SQOR: variants seen among roughly 807,000 people sequenced by gnomAD.
The protein encoded by SQOR is sulfide:quinone oxidoreductase, mitochondrial.
A neutral mutation model predicts 48.6 loss-of-function variants in SQOR; 39 were observed. That is an observed-to-expected ratio of 0.80 (90% CI 0.62 to 1.05). The LOEUF (loss-of-function observed/expected upper bound fraction) is 1.05. SQOR is among the 50% of genes least tolerant of loss of function. SQOR has a pLI of 0.00. For missense variants in SQOR, 561 were observed against 559.9 expected (o/e 1.00, Z -0.02); for synonymous variants, 220 against 206.2 (o/e 1.07, Z -0.57).
intron 7 of SQOR, among the ~76,000 whole-genome samples, chr15:45,684,214 G>A (rs1160740057): frequency 1.3e-5 from 2 of 152,028 alleles, no homozygotes; most frequent in East Asian, 1.9e-4. Flanking sequence ...CGCCCAGCCT[G>A]TATTTATGTA....
intron 1 of SQOR, among the ~76,000 whole-genome samples, chr15:45,649,371 G>A (rs978921024): frequency 5.3e-5 from 8 of 152,232 alleles, no homozygotes; most frequent in Non-Finnish European, 1.5e-5. Context: ...ATTTAGAATA[G>A]AGGAATTTTA....
At chr15:45,688,190 T>C in intron 7 of SQOR, 147 bp from the exon 8 acceptor site, 1 of 575,122 alleles carries the variant, frequency 1.7e-6, no homozygotes, top group Non-Finnish European at 3.0e-6. Context: ...TAGTCAGAAT[T>C]TCAATTAGTA....
chr15:45,639,131 T>G (rs1301806553), intron 1 of SQOR, among the ~76,000 whole-genome samples: 1 of 152,214 alleles, frequency 6.6e-6, no homozygotes, highest in African/African-American at 2.4e-5. Flanking sequence ...GACATGTCCA[T>G]CACTTGCTCT....
chr15:45,658,994 C>T lies in SQOR; in HGVS notation c.71C>T (p.Thr24Ile), dbSNP rs1440698903. 1 of 1,602,362 alleles carries T rather than the reference C, an allele frequency of 6.2e-7. No individual in the cohort carries two copies. The highest frequency in any genetic ancestry group is 1.7e-5 in the Admixed American group (1 of 58,542). ...TTTGCCTGCCTGCTCAGGCTGGGCA[C>T]TCAGCAGGTCGGCCCCCTTCAGCTG... ...QLFACLLRLG[T>I]QQVGPLQLHT... is the part of the protein sequence containing the mutation. The change falls in exon 2 of 10, where the codon ACT (threonine) becomes ATT (isoleucine). Residue 24 changes from threonine to isoleucine, a missense_variant. Thr to Ile is a moderately conservative substitution (Grantham distance 89). Transcript: ENST00000260324.
chr15:45,671,733 C>T (rs1275262876), intron 4 of SQOR, among the ~76,000 whole-genome samples: 1 of 152,206 alleles, frequency 6.6e-6, no homozygotes, highest in Non-Finnish European at 1.5e-5. Flanking sequence ...CTGTTGGACT[C>T]AGGCAGCCTC....
intron 6 of SQOR, among the ~76,000 whole-genome samples, chr15:45,681,161 C>A (rs2140960525): frequency 6.6e-6 from 1 of 152,312 alleles, no homozygotes; most frequent in African/African-American, 2.4e-5. Context: ...TATGATCAAG[C>A]CACTGTCCTC....
Position 45,673,820 on chromosome 15 carries a change from G to A in SQOR, c.654+19G>A. The A allele has an allele frequency of 2.5e-6, 4 of 1,612,670 alleles. No individual in the cohort carries two copies. The highest frequency in any genetic ancestry group is 2.5e-6 in the Non-Finnish European group (3 of 1,179,036). Reference sequence around the variant, plus strand: ...CAGGAAGGTATGCTTCCTTTCTGGGGACAGAGATGAGCAGGGCGGACAGTG... The same window carrying A: ...CAGGAAGGTATGCTTCCTTTCTGGGAACAGAGATGAGCAGGGCGGACAGTG... On this transcript the variant is annotated intron_variant, in intron 5 of 9. Coordinates refer to ENST00000260324, the MANE Select transcript of SQOR (RefSeq NM_021199.4).
chr15:45,673,869 C>A, intron 5 of SQOR, 68 bp downstream of exon 5: 1 of 1,475,978 alleles, frequency 6.8e-7, no homozygotes, highest in South Asian at 1.2e-5. Context: ...TGCAAGAATT[C>A]CATTTTATCT....
In SQOR at chr15:45,659,136, G is replaced by A; in HGVS notation, c.213G>A (p.Val71=). 1.9e-6 allele frequency: 3 copies of A among 1,551,740 alleles called. No individual in the cohort carries two copies. Among genetic ancestry groups the A allele is most frequent in the Non-Finnish European group, 2.6e-6 (3 of 1,145,310 alleles). Residue 71 remains valine, a synonymous_variant, in exon 2 of 10, where the codon GTG becomes GTA. Coordinates refer to ENST00000260324, the MANE Select transcript of SQOR (RefSeq NM_021199.4). ...RMKRKVGAEN[V]AIVEPSERHF... is the part of the protein sequence containing the mutation. ...AGAGGAAAGTGGGTGCAGAGAATGTGGCCATTGTTGAGCCCAGTGAGGTAA... is the reference window on the plus strand; with the variant it reads ...AGAGGAAAGTGGGTGCAGAGAATGTAGCCATTGTTGAGCCCAGTGAGGTAA...
intron 3 of SQOR, among the ~76,000 whole-genome samples, chr15:45,663,488 G>C (rs1342516274): frequency 6.6e-6 from 1 of 152,136 alleles, no homozygotes; most frequent in Non-Finnish European, 1.5e-5. Flanking sequence ...TGCTTTGGCT[G>C]AGCATGGTGG....
At chr15:45,661,758 G>C (rs1002269408) in intron 2 of SQOR, among the ~76,000 whole-genome samples, 197 bp from the exon 3 acceptor site, 2 of 152,180 alleles carry the variant, frequency 1.3e-5, no homozygotes, top group Non-Finnish European at 2.9e-5. Flanking sequence ...AAGAATTCTT[G>C]TGTGGAGTGA....
chr15:45,661,486 T>C (rs973105921), intron 2 of SQOR, among the ~76,000 whole-genome samples: 4 of 151,954 alleles, frequency 2.6e-5, no homozygotes, highest in African/African-American at 9.7e-5. Context: ...GGAAACACAG[T>C]TGGAAGTTAA....
chr15:45,674,070 G>A (rs78332307), intron 5 of SQOR: 5,616 of 431,828 alleles, frequency 0.013, 54 homozygotes, highest in Non-Finnish European at 0.017. Flanking sequence ...CAGTCATAGT[G>A]TACATGAAAA....
intron 1 of SQOR, among the ~76,000 whole-genome samples, chr15:45,654,783 C>A (rs541400760): frequency 6.6e-6 from 1 of 151,984 alleles, no homozygotes; most frequent in Admixed American, 6.6e-5. Flanking sequence ...AAGACGTGGC[C>A]GGTGGTGGAT....
At chr15:45,680,870 A>C (rs1212578423) in intron 6 of SQOR, among the ~76,000 whole-genome samples, 1 of 151,146 alleles carries the variant, frequency 6.6e-6, no homozygotes, top group Non-Finnish European at 1.5e-5. Flanking sequence ...CAAACACATT[A>C]ACTCCACCGA....
chr15:45,644,068 G>T (rs4271550), intron 1 of SQOR, among the ~76,000 whole-genome samples: 6 of 151,874 alleles, frequency 4.0e-5, no homozygotes, highest in East Asian at 3.9e-4. Context: ...TTTTAGAGAC[G>T]GCATAGAGAC....
rs1273130332 is a variant in SQOR at position 45,688,355 on chromosome 15, T to G, written c.1067T>G (p.Leu356Arg). 2.5e-6 allele frequency: 4 copies of G among 1,607,704 alleles called. No homozygotes were observed. The highest frequency in any genetic ancestry group is 1.3e-5 in the African/African-American group (1 of 74,702). Residue 356 changes from leucine to arginine, a missense_variant, in exon 8 of 10, where the codon CTT (leucine) becomes CGT (arginine). Coordinates refer to ENST00000260324, the MANE Select transcript of SQOR (RefSeq NM_021199.4). ...CTTATAGCTGCCCAGTCAGGAATAC[T>G]TGATAGGACAATTTCTGTAATTATG... is the stretch of plus-strand genomic sequence containing the variant. Reference protein sequence around the residue: ...AAAVAAQSGILDRTISVIMKN... With the variant: ...AAAVAAQSGIRDRTISVIMKN...
Position 45,689,162 on chromosome 15 carries a change from A to T in SQOR, c.1240A>T (p.Met414Leu), listed in dbSNP as rs377074686. 1.1e-5 allele frequency: 18 copies of T among 1,613,996 alleles called. No individual in the cohort carries two copies. The highest frequency in any genetic ancestry group is 1.4e-5 in the Non-Finnish European group (16 of 1,180,028). ...PFDQSKERLS[M>L]YLMKADLMPF... is the part of the protein sequence containing the mutation. ...TGATCAAAGCAAAGAGCGCCTTTCC[A>T]TGTATCTCATGAAAGCTGACCTGAT... Residue 414 changes from methionine to leucine, a missense_variant, in exon 9 of 10, where the codon ATG becomes TTG. Met to Leu is a conservative substitution (Grantham distance 15). Transcript: ENST00000260324.
At chr15:45,675,399 A>AT (rs201693476) in intron 5 of SQOR, among the ~76,000 whole-genome samples, 27,337 of 144,280 alleles carry the variant, frequency 0.19, 2,810 homozygotes, top group East Asian at 0.44. Context: ...TAGTTTGTTT[A>AT]TTTTTTTTTT....
Sources: allele counts gnomAD v4.1 joint callset (sites outside exome capture counted in the v4.1 genomes callset), GRCh38; gene constraint gnomAD v4.1.1; transcripts MANE v1.5; gene names NCBI Gene and HGNC (gene_info 2026-07-23, HGNC 2026-07-21).